Variants in LOC122539214 observed in about 807,000 individuals in gnomAD.
the LOC122539214 span, among the ~76,000 whole-genome samples, chr19:52,689,925 C>G: frequency 1.3e-5 from 2 of 152,226 alleles, no homozygotes; most frequent in African/African-American, 2.4e-5. Flanking sequence ...GAAGCGGTGA[C>G]TGCGGAGGAG....
chr19:52,657,412 C>G, the LOC122539214 span, among the ~76,000 whole-genome samples: 2 of 151,988 alleles, frequency 1.3e-5, no homozygotes, highest in Non-Finnish European at 2.9e-5. Context: ...AGTTCGGAGA[C>G]CAGCCTCATC....
At chr19:52,676,312 G>A in the LOC122539214 span, among the ~76,000 whole-genome samples, 1 of 152,168 alleles carries the variant, frequency 6.6e-6, no homozygotes, top group Non-Finnish European at 1.5e-5. Context: ...GAGTGCAGTG[G>A]CCTGATCTCG....
the LOC122539214 span, among the ~76,000 whole-genome samples, chr19:52,658,726 G>A: frequency 2.6e-5 from 4 of 152,116 alleles, no homozygotes; most frequent in Non-Finnish European, 5.9e-5. Context: ...AAATACTAGG[G>A]ACAATAGAGG....
the LOC122539214 span, among the ~76,000 whole-genome samples, chr19:52,688,224 G>A: frequency 6.6e-6 from 1 of 152,018 alleles, no homozygotes; most frequent in Non-Finnish European, 1.5e-5. Context: ...AGGCTGCAGT[G>A]CAGTGGCATG....
the LOC122539214 span, among the ~76,000 whole-genome samples, chr19:52,682,000 A>G: frequency 1.3e-5 from 2 of 152,096 alleles, no homozygotes; most frequent in South Asian, 4.1e-4. Context: ...GGCACCTGCC[A>G]CCACACCCAG....
At chr19:52,661,776 C>T in the LOC122539214 span, among the ~76,000 whole-genome samples, 35 of 152,136 alleles carry the variant, frequency 2.3e-4, no homozygotes, top group African/African-American at 8.0e-4. Flanking sequence ...GTAACATGGA[C>T]CAGAGGTGGG....
chr19:52,671,097 C>T, the LOC122539214 span, among the ~76,000 whole-genome samples: 11,816 of 152,144 alleles, frequency 0.078, 557 homozygotes, highest in Non-Finnish European at 0.11. Flanking sequence ...CACATGAACC[C>T]CTCACAAACG....
the LOC122539214 span, among the ~76,000 whole-genome samples, chr19:52,687,904 AC>A: frequency 6.6e-6 from 1 of 151,470 alleles, no homozygotes; most frequent in African/African-American, 2.4e-5. Context: ...CCCACGTCCT[AC>A]CCCACCCTGG....
At chr19:52,686,561 T>C in the LOC122539214 span, among the ~76,000 whole-genome samples, 2 of 151,768 alleles carry the variant, frequency 1.3e-5, no homozygotes, top group Admixed American at 6.6e-5. Context: ...ATACCCCTTT[T>C]ATTTTTTATT....
chr19:52,660,199 CAGAG>C, the LOC122539214 span, among the ~76,000 whole-genome samples: 1 of 152,106 alleles, frequency 6.6e-6, no homozygotes, highest in Non-Finnish European at 1.5e-5. Context: ...TAGTCTTAGT[CAGAG>C]AGGGCACCTC....
the LOC122539214 span, chr19:52,655,743 C>A: frequency 2.8e-6 from 2 of 720,642 alleles, no homozygotes; most frequent in South Asian, 3.4e-5. Flanking sequence ...TACCTTCACA[C>A]AAAATGAGAA....
At chr19:52,671,629 G>T in the LOC122539214 span, among the ~76,000 whole-genome samples, 1 of 152,048 alleles carries the variant, frequency 6.6e-6, no homozygotes. Context: ...ACTTTGTAGA[G>T]GGGTGGTCCC....
chr19:52,670,044 A>G, the LOC122539214 span, among the ~76,000 whole-genome samples: 2 of 152,300 alleles, frequency 1.3e-5, no homozygotes, highest in Admixed American at 1.3e-4. Context: ...TTTGCCTTCT[A>G]CTTTTAAACT....
At chr19:52,689,405 T>C in the LOC122539214 span, among the ~76,000 whole-genome samples, 552 of 152,016 alleles carry the variant, frequency 3.6e-3, 3 homozygotes, top group African/African-American at 0.012. Flanking sequence ...CCCCACTCTC[T>C]AGCACTCCAG....
At chr19:52,656,026 C>G in the LOC122539214 span, among the ~76,000 whole-genome samples, 4 of 152,114 alleles carry the variant, frequency 2.6e-5, no homozygotes, top group African/African-American at 9.6e-5. Context: ...CCCAGGGCAA[C>G]ATGGTGAAAC....
At chr19:52,663,662 G>C in the LOC122539214 span, among the ~76,000 whole-genome samples, 1 of 152,182 alleles carries the variant, frequency 6.6e-6, no homozygotes. Flanking sequence ...TCAGGTACCA[G>C]AAAATGTTTC....
the LOC122539214 span, among the ~76,000 whole-genome samples, chr19:52,674,015 CAA>C: frequency 1.9e-3 from 137 of 73,020 alleles, no homozygotes; most frequent in African/African-American, 5.7e-3. Flanking sequence ...GACTCCATCT[CAA>C]AAAAAAAAAA....
At chr19:52,679,891 TG>T in the LOC122539214 span, among the ~76,000 whole-genome samples, 1 of 151,942 alleles carries the variant, frequency 6.6e-6, no homozygotes, top group African/African-American at 2.4e-5. Context: ...ATCAAAAGCA[TG>T]TATGGGGGCT....
chr19:52,653,384 A>G, the LOC122539214 span: 1 of 1,000,136 alleles, frequency 1.0e-6, no homozygotes, highest in South Asian at 1.3e-5. Flanking sequence ...ACCTTGCCAC[A>G]TTCATTACAT....
Sources: allele counts gnomAD v4.1 joint callset (sites outside exome capture counted in the v4.1 genomes callset), GRCh38; gene constraint gnomAD v4.1.1; transcripts MANE v1.5.